SNTG2: variants seen among roughly 807,000 people sequenced by gnomAD.
SNTG2 encodes the protein syntrophin gamma 2, also known as gamma-2-syntrophin.
SNTG2 carries 74 observed loss-of-function variants against 70.9 expected under a neutral mutation model. That is an observed-to-expected ratio of 1.04 (90% confidence interval 0.86 to 1.27). SNTG2 has a LOEUF of 1.27. Ranked by LOEUF, SNTG2 falls within the 50% of genes most tolerant of loss-of-function variation. The pLI is 0.00. For synonymous variants in SNTG2, 278 were observed against 273.8 expected, an observed-to-expected ratio of 1.02 and a Z score of -0.15; for missense variants, 717 against 690.7, an observed-to-expected ratio of 1.04 and a Z score of -0.43.
At chr2:1,082,132 G>A (rs1664363320) in intron 1 of SNTG2, among the ~76,000 whole-genome samples, 1 of 152,144 alleles carries the variant, frequency 6.6e-6, no homozygotes, top group Admixed American at 6.5e-5. Context: ...GATGGTCTGT[G>A]GTTCCCATGA....
intron 16 of SNTG2, among the ~76,000 whole-genome samples, chr2:1,335,332 A>G (rs989841725): frequency 6.6e-6 from 1 of 152,170 alleles, no homozygotes; most frequent in Non-Finnish European, 1.5e-5. Context: ...TGGCTCTCTC[A>G]GTGTTGAGAG....
chr2:1,003,220 C>G (rs1221342159), intron 1 of SNTG2, among the ~76,000 whole-genome samples: 1 of 152,088 alleles, frequency 6.6e-6, no homozygotes, highest in Non-Finnish European at 1.5e-5. Flanking sequence ...CAAAACTGCA[C>G]ACGTACCCCC....
At chr2:1,235,575 GA>G (rs1171635237) in intron 9 of SNTG2, among the ~76,000 whole-genome samples, 3 of 100,146 alleles carry the variant, frequency 3.0e-5, no homozygotes, top group African/African-American at 1.0e-4. Flanking sequence ...CGATTCATGA[GA>G]GGGGGGACCC....
chr2:1,147,881 A>G (rs1450242974), intron 6 of SNTG2, among the ~76,000 whole-genome samples: 1 of 152,236 alleles, frequency 6.6e-6, no homozygotes, highest in Non-Finnish European at 1.5e-5. Flanking sequence ...GCTAATAACC[A>G]TTAATTTTAA....
chr2:967,640 C>T (rs6548284), intron 1 of SNTG2, among the ~76,000 whole-genome samples: 52,034 of 151,910 alleles, frequency 0.34, 9,633 homozygotes, highest in Middle Eastern at 0.47. Flanking sequence ...TCTACATTCA[C>T]GTTGGATGTT....
At chr2:1,192,859 T>A (rs1285807224) in intron 8 of SNTG2, among the ~76,000 whole-genome samples, 1 of 152,200 alleles carries the variant, frequency 6.6e-6, no homozygotes, top group East Asian at 1.9e-4. Flanking sequence ...CACTGTCAGA[T>A]TTATGGCAGA....
intron 8 of SNTG2, among the ~76,000 whole-genome samples, chr2:1,173,938 A>G (rs1251150116): frequency 6.6e-6 from 1 of 152,252 alleles, no homozygotes; most frequent in Non-Finnish European, 1.5e-5. Context: ...ATGTTTTATT[A>G]TAAATCATTC....
chr2:1,040,880 A>G lies in SNTG2; in HGVS notation c.73-42638A>G, dbSNP rs180946893. On this transcript the variant is annotated intron_variant, in intron 1 of 16. Coordinates refer to ENST00000308624, the MANE Select transcript of SNTG2 (RefSeq NM_018968.4). The stretch of plus-strand genomic sequence containing the variant: ...CTGTGTGATGGAGCCCGGCTGTGCC[A>G]TCAGAGCAGCTGTTTGATTTCTGAG... 2.9e-3 allele frequency among the ~76,000 whole-genome samples: 445 copies of G among 152,314 alleles called. 5 individuals carry two copies. Among genetic ancestry groups the G allele is most frequent in the Admixed American group, 2.5e-3 (39 of 15,300 alleles).
intron 8 of SNTG2, among the ~76,000 whole-genome samples, chr2:1,188,774 C>G (rs1255353207): frequency 2.9e-4 from 44 of 152,102 alleles, no homozygotes; most frequent in Admixed American, 2.9e-3. Flanking sequence ...CACACAAAAT[C>G]TTAATAGTAA....
At chr2:1,072,052 G>C (rs1228418200) in intron 1 of SNTG2, among the ~76,000 whole-genome samples, 2 of 152,182 alleles carry the variant, frequency 1.3e-5, no homozygotes, top group African/African-American at 2.4e-5. Context: ...AAAAGTGCAA[G>C]GTGAAGCCAC....
At chr2:1,072,374 G>A (rs1206795305) in intron 1 of SNTG2, among the ~76,000 whole-genome samples, 5 of 105,484 alleles carry the variant, frequency 4.7e-5, no homozygotes, top group Non-Finnish European at 9.0e-5. Context: ...TTACCATTCT[G>A]AAAATCCTAG....
chr2:1,235,848 T>C (rs1676616062), intron 9 of SNTG2, among the ~76,000 whole-genome samples: 1 of 152,214 alleles, frequency 6.6e-6, no homozygotes, highest in South Asian at 2.1e-4. Flanking sequence ...CAGGGAACTT[T>C]TGAGGATTCT....
intron 8 of SNTG2, among the ~76,000 whole-genome samples, chr2:1,201,748 A>G (rs529631224): frequency 2.0e-5 from 3 of 151,988 alleles, no homozygotes; most frequent in Non-Finnish European, 2.9e-5. Context: ...TGAAAATACT[A>G]TGTGTTAATA....
intron 14 of SNTG2, 140 bp from the exon 15 acceptor site, chr2:1,308,354 C>T (rs1202112826): frequency 4.1e-6 from 3 of 723,966 alleles, no homozygotes; most frequent in African/African-American, 3.5e-5. Flanking sequence ...ACCCTGCATC[C>T]TCCTGTTTTG....
intron 4 of SNTG2, among the ~76,000 whole-genome samples, chr2:1,104,195 C>G (rs958655693): frequency 2.0e-5 from 3 of 152,210 alleles, no homozygotes; most frequent in Admixed American, 6.5e-5. Flanking sequence ...GCCCCTCTTT[C>G]AAACGTTTGT....
At chr2:1,362,229 ACAC>A (rs1558232980) in intron 16 of SNTG2, among the ~76,000 whole-genome samples, 53 of 151,634 alleles carry the variant, frequency 3.5e-4, no homozygotes, top group Middle Eastern at 6.8e-3. Context: ...AAGGTCACCA[ACAC>A]TGAGTGTTTC....
At chr2:1,247,919 G>A (rs537015794) in intron 12 of SNTG2, among the ~76,000 whole-genome samples, 1 of 151,994 alleles carries the variant, frequency 6.6e-6, no homozygotes, top group South Asian at 2.1e-4. Context: ...GAATGCTATC[G>A]TTCTGCAATT....
chr2:1,078,473 A>G (rs1271497914), intron 1 of SNTG2, among the ~76,000 whole-genome samples: 5 of 151,830 alleles, frequency 3.3e-5, no homozygotes, highest in African/African-American at 9.7e-5. Context: ...CCAGGCAGGT[A>G]TGGCAGGATT....
chr2:1,260,354 T>A (rs866222147), intron 13 of SNTG2, among the ~76,000 whole-genome samples: 4 of 152,326 alleles, frequency 2.6e-5, no homozygotes, highest in Admixed American at 1.3e-4. Context: ...CATAATAATA[T>A]TATCAAATGA....
Sources: allele counts gnomAD v4.1 joint callset (sites outside exome capture counted in the v4.1 genomes callset), GRCh38; gene constraint gnomAD v4.1.1; transcripts MANE v1.5; gene names NCBI Gene and HGNC (gene_info 2026-07-23, HGNC 2026-07-21).